The following IGSF9B variants were observed in gnomAD, a reference collection of about 807,000 sequenced individuals.
IGSF9B encodes the protein immunoglobulin superfamily member 9B.
In IGSF9B, 48 loss-of-function variants were observed where a neutral mutation model predicts 143.7. The observed-to-expected ratio is 0.33, with a 90% CI of 0.26 to 0.42. The LOEUF (loss-of-function observed/expected upper bound fraction) is 0.42. Ranked by LOEUF, IGSF9B falls within the 20% of genes least tolerant of loss-of-function variation. The pLI is 1.00. For missense variants in IGSF9B, 1,706 were observed against 1,980.0 expected, an observed-to-expected ratio of 0.86 and a Z score of 2.63; for synonymous variants, 903 against 833.1, an observed-to-expected ratio of 1.08 and a Z score of -1.44.
At position 133,911,913 on chromosome 11, in the gene IGSF9B, C is replaced by G. The variant is rs753450719; in HGVS notation, c.4078G>C (p.Gly1360Arg). 11 of 1,534,386 alleles carry G rather than the reference C, an allele frequency of 7.2e-6. No homozygotes were observed. The South Asian group carries it at 1.3e-4, about 18-fold the overall frequency. The change falls in exon 19 of 20, where the codon GGC becomes CGC. Residue 1360 changes from glycine (G) to arginine (R), a missense_variant. By Grantham distance (125) the Gly-to-Arg change is moderately radical. Transcript: ENST00000533871. Reference protein sequence around the residue: ...RIKKPKKSSKGSSKSKKRSDD... With the variant: ...RIKKPKKSSKRSSKSKKRSDD... Reference sequence around the variant, plus strand: ...GATCGTTTCTTTGACTTCGAAGAGCCCTTGGATGACTTTTTGGGCTTCTTT... The same window carrying G: ...GATCGTTTCTTTGACTTCGAAGAGCGCTTGGATGACTTTTTGGGCTTCTTT...
At chr11:133,952,443 G>A (rs761348917) in intron 1 of IGSF9B, among the ~76,000 whole-genome samples, 1 of 152,210 alleles carries the variant, frequency 6.6e-6, no homozygotes, top group Non-Finnish European at 1.5e-5. Flanking sequence ...TTGGCTCCAA[G>A]GGTCTCTCTG....
rs1939328451 is a variant in IGSF9B, at chr11:133,913,295, G to C, written c.3984-1288C>G. 1.3e-5 allele frequency among the ~76,000 whole-genome samples: 2 copies of C among 152,030 alleles called. No homozygotes were observed. The highest frequency in any genetic ancestry group is 4.8e-5 in the African/African-American group (2 of 41,368). ...AGACAATGCTGTGAGGGCAAAAGAA[G>C]ACCCCAAAGGTCAGCAAGCGGTCTG... On this transcript the variant is annotated intron_variant, in intron 18 of 19. Transcript: ENST00000533871. This position sits in a 1 kb window ranked among gnomAD's most constrained non-coding sequence, Gnocchi z 4.6.
chr11:133,942,600 C>A (rs1939971555), intron 3 of IGSF9B, among the ~76,000 whole-genome samples: 1 of 152,184 alleles, frequency 6.6e-6, no homozygotes, highest in African/African-American at 2.4e-5. Flanking sequence ...GGAGGCAGTG[C>A]CCCAAGATGG....
At chr11:133,912,065 G>A in intron 18 of IGSF9B, 58 bp from the exon 19 acceptor site, 2 of 1,481,232 alleles carry the variant, frequency 1.4e-6, no homozygotes, top group Non-Finnish European at 1.8e-6. Context: ...GGCTTTGGAA[G>A]AGGGGCTGGA....
rs763258831 is a variant in IGSF9B at position 133,931,427 on chromosome 11, G to A, written c.1368+26C>T. 8 of 1,551,558 alleles carry A rather than the reference G, an allele frequency of 5.2e-6. No individual in the cohort carries two copies. In the East Asian group the frequency reaches 1.1e-4, roughly 22 times the overall value. On this transcript the variant is annotated intron_variant, in intron 10 of 19. Transcript: ENST00000533871. The surrounding 1 kb of genome is among the most constrained non-coding windows in gnomAD (Gnocchi z 7.7). ...CCCTGGGCCCTCACACCTCCCTGCA[G>A]ACCCAGGGCTCCAGGGCCCAGGTAC...
At chr11:133,943,043 G>GC (rs1410886072) in intron 3 of IGSF9B, among the ~76,000 whole-genome samples, 1 of 152,108 alleles carries the variant, frequency 6.6e-6, no homozygotes, top group Non-Finnish European at 1.5e-5. Context: ...GTCTGGCCCA[G>GC]CCCCCCCAGG....
rs745742807 is a variant in IGSF9B at position 133,932,259 on chromosome 11, GGACA to G, written c.968-50_968-47del. Reference sequence around the variant, plus strand: ...TGAGAGAGCAGACAGACAGACACAGGGACAGACAGACAGACACAGGGACAGACAG... The same window carrying G: ...TGAGAGAGCAGACAGACAGACACAGGGACAGACAGACACAGGGACAGACAG... On this transcript the variant is annotated intron_variant, in intron 7 of 19. Coordinates refer to ENST00000533871, the MANE Select transcript of IGSF9B (RefSeq NM_001277285.4). The G allele has an allele frequency of 1.7e-4, 251 of 1,486,284 alleles. 2 individuals are homozygous for G. The highest frequency in any genetic ancestry group is 9.2e-4 in the South Asian group (74 of 80,196). The allele number at this position is 1,486,284 out of a possible 1,614,324, so 92.1% of individuals were successfully genotyped here.
At chr11:133,946,015 G>T (rs1389447768) in intron 2 of IGSF9B, 46 bp downstream of exon 2, 3 of 1,359,190 alleles carry the variant, frequency 2.2e-6, no homozygotes, top group Non-Finnish European at 2.0e-6. Flanking sequence ...CCGAGGAGCT[G>T]ACTCCAGCTG....
At chr11:133,933,383 T>C (rs486560) in intron 7 of IGSF9B, among the ~76,000 whole-genome samples, 53,230 of 152,140 alleles carry the variant, frequency 0.35, 10,579 homozygotes, top group Middle Eastern at 0.45. Flanking sequence ...AAGGGGGTAT[T>C]TTTCCTCCCC....
At chr11:133,944,974 G>A (rs1056509536) in intron 2 of IGSF9B, among the ~76,000 whole-genome samples, 4 of 152,100 alleles carry the variant, frequency 2.6e-5, no homozygotes, top group Non-Finnish European at 5.9e-5. Flanking sequence ...CAGGAGATGA[G>A]GGCAGCAGGG....
rs763966433 is a variant in IGSF9B, at chr11:133,931,480, G to A, written c.1341C>T (p.Asp447=). 2.5e-6 allele frequency: 4 copies of A among 1,612,706 alleles called. No individual in the cohort carries two copies. The highest frequency in any genetic ancestry group is 2.5e-6 in the Non-Finnish European group (3 of 1,179,344). ...TTCTCCAAGTGATGACAGGAAAGGGGTCCCCTGCGGCAGCACAGGGGATAA... is the reference window on the plus strand; with the variant it reads ...TTCTCCAAGTGATGACAGGAAAGGGATCCCCTGCGGCAGCACAGGGGATAA... ...ELLIPCAAAG[D]PFPVITWRKV... Residue 447 remains aspartate, a synonymous_variant, in exon 10 of 20, where the codon GAC becomes GAT. Coordinates refer to ENST00000533871, the MANE Select transcript of IGSF9B (RefSeq NM_001277285.4). This position sits in a 1 kb window ranked among gnomAD's most constrained non-coding sequence, Gnocchi z 7.7.
intron 18 of IGSF9B, chr11:133,919,078 G>T: frequency 2.0e-6 from 1 of 489,862 alleles, no homozygotes. Flanking sequence ...GGCTGGTCGC[G>T]GGAGCTGGTC....
chr11:133,930,843 CGGAG>C, intron 11 of IGSF9B, 137 bp downstream of exon 11: 4 of 830,250 alleles, frequency 4.8e-6, no homozygotes, highest in South Asian at 2.1e-5. Flanking sequence ...GTGCTGGACG[CGGAG>C]TTCAGGGCTG....
intron 1 of IGSF9B, among the ~76,000 whole-genome samples, chr11:133,946,629 T>G (rs551529241): frequency 1.3e-5 from 2 of 152,048 alleles, no homozygotes; most frequent in Non-Finnish European, 2.9e-5. Flanking sequence ...GTCCAGGACA[T>G]GGAGGTGAGG....
rs193246596 is a variant in IGSF9B at position 133,946,036 on chromosome 11, G to A, written c.262+25C>T. On this transcript the variant is annotated intron_variant, in intron 2 of 19. Coordinates refer to ENST00000533871, the MANE Select transcript of IGSF9B (RefSeq NM_001277285.4). ...AGCTGACTCCAGCTGGGGAAGGTGC[G>A]GGAGACCGGGTGCCCAGACCTTACC... 5.5e-4 allele frequency: 823 copies of A among 1,493,134 alleles called. 3 individuals are homozygous for A. In the African/African-American group the frequency reaches 9.4e-3, roughly 17 times the overall value. 92.5% of individuals were successfully genotyped at this position (1,493,134 alleles called of 1,614,324 possible).
chr11:133,903,855 C>G lies in IGSF9B; in HGVS notation c.*5214G>C, dbSNP rs891786610. 7.9e-5 allele frequency among the ~76,000 whole-genome samples: 12 copies of G among 152,172 alleles called. No individual in the cohort carries two copies. The highest frequency in any genetic ancestry group is 1.0e-4 in the Non-Finnish European group (7 of 68,030). ...GTGGTGATTGGTACCCCTAGCCAAA[C>G]AGCAAGCTGGTAAGAGTGCGAAAGT... On this transcript the variant is annotated 3_prime_UTR_variant, in exon 20 of 20. Transcript: ENST00000533871.
rs138772163 is a variant in IGSF9B at position 133,913,704 on chromosome 11, C to G, written c.3984-1697G>C. ...CAGTCTACCCAGAGAGATCCTACAGCGCAGCAGCAGCTGGGAAGGAAGCGG... is the reference window on the plus strand; with the variant it reads ...CAGTCTACCCAGAGAGATCCTACAGGGCAGCAGCAGCTGGGAAGGAAGCGG... On this transcript the variant is annotated intron_variant, in intron 18 of 19. Transcript: ENST00000533871. The surrounding 1 kb of genome is among the most constrained non-coding windows in gnomAD (Gnocchi z 4.6). 6.6e-6 allele frequency among the ~76,000 whole-genome samples: 1 copy of G among 152,174 alleles called. No individual in the cohort carries two copies. The highest frequency in any genetic ancestry group is 1.5e-5 in the Non-Finnish European group (1 of 68,032).
chr11:133,916,847 A>T (rs1939392309), intron 18 of IGSF9B, among the ~76,000 whole-genome samples: 1 of 152,032 alleles, frequency 6.6e-6, no homozygotes, highest in African/African-American at 2.4e-5. Flanking sequence ...GGAGCTGGGG[A>T]AGGTGGAAGA....
rs1229963801 is a variant in IGSF9B at position 133,948,711 on chromosome 11, G to A, written c.65-2453C>T. On this transcript the variant is annotated intron_variant, in intron 1 of 19. Transcript: ENST00000533871. The surrounding 1 kb of genome is among the most constrained non-coding windows in gnomAD (Gnocchi z 4.7). ...AGATAAGAAACTACAAGAGCCTAGG[G>A]GAAGAGGAGGGAGTTATTCCCAGGT... Among the ~76,000 whole-genome samples, 1 of 152,020 alleles carries A rather than the reference G, an allele frequency of 6.6e-6. No homozygotes were observed. Among genetic ancestry groups the A allele is most frequent in the Non-Finnish European group, 1.5e-5 (1 of 68,028 alleles).
Sources: gnomAD v4.1 joint callset for allele counts (sites outside exome capture counted in the v4.1 genomes callset) on GRCh38, gnomAD v4.1.1 for gene constraint, Gnocchi (gnomAD v3.1) non-coding constraint, MANE v1.5 for transcripts, NCBI Gene and HGNC (gene_info 2026-07-23, HGNC 2026-07-21) for gene names.